The following PRIM2 variants were observed in gnomAD, a reference collection of about 807,000 sequenced individuals.
The protein encoded by PRIM2 is DNA primase large subunit.
A neutral mutation model predicts 67.3 loss-of-function variants in PRIM2; 39 were observed. That is an observed-to-expected ratio of 0.58 (90% CI 0.45 to 0.76). The LOEUF (loss-of-function observed/expected upper bound fraction) is 0.76, where lower values mean the gene tolerates loss of function less well. Among genes scored for constraint, PRIM2 ranks in the 30% least tolerant of loss-of-function variants. The pLI is 0.00. For synonymous variants in PRIM2, 143 were observed against 198.7 expected (o/e 0.72, Z 2.36); for missense variants, 398 against 598.7 (o/e 0.66, Z 3.50).
chr6:57,560,660 A>G (rs1220753728), intron 10 of PRIM2, among the ~76,000 whole-genome samples: 1 of 150,224 alleles, frequency 6.7e-6, no homozygotes. Context: ...TGTTGTGTTA[A>G]CAAGCATGAA....
At position 57,640,029 on chromosome 6, in the gene PRIM2, T is replaced by C. The variant is rs1162268094; in HGVS notation, c.1300-5899T>C. Among the ~76,000 whole-genome samples the C allele has an allele frequency of 2.4e-4, 37 of 152,280 alleles. No homozygotes were observed. In the East Asian group the frequency reaches 7.0e-3, roughly 29 times the overall value. On this transcript the variant is annotated intron_variant, in intron 13 of 13. Transcript: ENST00000615550. The stretch of plus-strand genomic sequence containing the variant: ...GAATCCAGCAGCACATCAAAAAGCT[T>C]ATCTACCATGATCAAGTCAGCTTCA...
intron 10 of PRIM2, among the ~76,000 whole-genome samples, chr6:57,575,895 C>T (rs1783078078): frequency 6.6e-6 from 1 of 152,126 alleles, no homozygotes; most frequent in Non-Finnish European, 1.5e-5. Context: ...TCTCCTGCCT[C>T]AGCCTCCCAG....
chr6:57,489,184 T>C (rs1773820961), intron 7 of PRIM2, among the ~76,000 whole-genome samples: 1 of 152,258 alleles, frequency 6.6e-6, no homozygotes. Flanking sequence ...GAATTATTCT[T>C]AATTATTGGT....
chr6:57,266,460 G>A, the PRIM2 span, among the ~76,000 whole-genome samples: 1 of 152,106 alleles, frequency 6.6e-6, no homozygotes, highest in Non-Finnish European at 1.5e-5. Context: ...TAATCAGCTC[G>A]ACAATTTTTT....
At chr6:57,598,567 T>C (rs1776408486) in intron 10 of PRIM2, among the ~76,000 whole-genome samples, 2 of 152,040 alleles carry the variant, frequency 1.3e-5, no homozygotes, top group African/African-American at 4.8e-5. Flanking sequence ...GCCAGATGAG[T>C]GTCACCTAGT....
At chr6:57,633,191 T>C (rs1425914299) in intron 13 of PRIM2, among the ~76,000 whole-genome samples, 3 of 152,202 alleles carry the variant, frequency 2.0e-5, no homozygotes, top group African/African-American at 7.2e-5. Context: ...CATCTCCAAG[T>C]CCAATTCAGT....
chr6:57,486,451 C>G (rs1773755441), intron 7 of PRIM2, among the ~76,000 whole-genome samples: 1 of 152,166 alleles, frequency 6.6e-6, no homozygotes, highest in African/African-American at 2.4e-5. Context: ...CCTGCCATGA[C>G]AAAGTAAAGA....
chr6:57,258,774 AG>A, the PRIM2 span, among the ~76,000 whole-genome samples: 1 of 152,154 alleles, frequency 6.6e-6, no homozygotes, highest in Non-Finnish European at 1.5e-5. Flanking sequence ...AGAACTCAGA[AG>A]GCTGATACTC....
chr6:57,245,613 C>G, the PRIM2 span, among the ~76,000 whole-genome samples: 48,739 of 152,020 alleles, frequency 0.32, 8,216 homozygotes, highest in East Asian at 0.61. Context: ...TCTCTTAGAG[C>G]ACAACCTAAG....
intron 8 of PRIM2, among the ~76,000 whole-genome samples, chr6:57,507,846 A>T (rs1554347348): frequency 1.5e-5 from 2 of 134,776 alleles, no homozygotes; most frequent in East Asian, 4.8e-4. Flanking sequence ...CTCATTATTT[A>T]AAAAATAAAG....
chr6:57,535,587 C>T (rs1446340140), intron 9 of PRIM2, among the ~76,000 whole-genome samples: 2 of 152,094 alleles, frequency 1.3e-5, no homozygotes, highest in Non-Finnish European at 2.9e-5. Flanking sequence ...ATTGGCCAGG[C>T]GCAGTGGGTC....
chr6:57,333,757 C>G (rs1768133799), intron 5 of PRIM2, among the ~76,000 whole-genome samples: 1 of 151,874 alleles, frequency 6.6e-6, no homozygotes, highest in Non-Finnish European at 1.5e-5. Flanking sequence ...ATTTTTCCCT[C>G]CTGTGTTTAA....
intron 7 of PRIM2, among the ~76,000 whole-genome samples, chr6:57,439,855 T>G (rs1772145277): frequency 1.3e-5 from 2 of 152,252 alleles, no homozygotes; most frequent in Admixed American, 1.3e-4. Flanking sequence ...TTGAAGCATT[T>G]TAATAAGGCT....
At chr6:57,298,800 A>G in the PRIM2 span, among the ~76,000 whole-genome samples, 446 of 152,296 alleles carry the variant, frequency 2.9e-3, 1 homozygote, top group Non-Finnish European at 4.5e-3. Context: ...AGAATGAAGC[A>G]GTTATAGGAG....
At chr6:57,447,214 T>C (rs1446237953) in intron 7 of PRIM2, among the ~76,000 whole-genome samples, 1 of 152,250 alleles carries the variant, frequency 6.6e-6, no homozygotes, top group Non-Finnish European at 1.5e-5. Context: ...TATTAAGCTC[T>C]GGAGACTGAC....
At chr6:57,325,797 A>G in intron 4 of PRIM2, 128 bp from the exon 5 acceptor site, 1 of 832,520 alleles carries the variant, frequency 1.2e-6, no homozygotes, top group Non-Finnish European at 1.9e-6. Context: ...GTGATAGAGG[A>G]CTTGCATGTT....
chr6:57,343,052 T>A (rs1768543735), intron 5 of PRIM2, among the ~76,000 whole-genome samples: 1 of 152,228 alleles, frequency 6.6e-6, no homozygotes, highest in Admixed American at 6.5e-5. Context: ...ATGAATTTAT[T>A]AGGAGCCTTT....
At chr6:57,238,024 A>T in the PRIM2 span, among the ~76,000 whole-genome samples, 2 of 152,198 alleles carry the variant, frequency 1.3e-5, no homozygotes, top group Admixed American at 6.5e-5. Flanking sequence ...TATCCTAAAT[A>T]TACATGCACC....
At chr6:57,590,872 G>C in intron 10 of PRIM2, among the ~76,000 whole-genome samples, 1 of 152,292 alleles carries the variant, frequency 6.6e-6, no homozygotes, top group Non-Finnish European at 1.5e-5. Context: ...AACCCTATGT[G>C]ATAGATATAA....
Sources: allele counts gnomAD v4.1 joint callset (sites outside exome capture counted in the v4.1 genomes callset), GRCh38; gene constraint gnomAD v4.1.1; transcripts MANE v1.5; gene names NCBI Gene and HGNC (gene_info 2026-07-23, HGNC 2026-07-21).